The following EPHB2 variants were observed in gnomAD, a reference collection of about 807,000 sequenced individuals.
EPHB2 encodes the protein EPH receptor B2.
In EPHB2, 18 loss-of-function variants were observed where a neutral mutation model predicts 96.4. The ratio of observed to expected loss-of-function variants is 0.19; its 90% CI spans 0.13 to 0.28. The LOEUF (loss-of-function observed/expected upper bound fraction) is 0.28. EPHB2 is among the 10% of genes least tolerant of loss of function. EPHB2 has a pLI of 1.00. For missense variants in EPHB2, 989 were observed against 1,355.4 expected, an observed-to-expected ratio of 0.73 and a Z score of 4.25; for synonymous variants, 506 against 534.1, an observed-to-expected ratio of 0.95 and a Z score of 0.72.
intron 5 of EPHB2, among the ~76,000 whole-genome samples, chr1:22,874,954 C>T (rs940851110): frequency 6.6e-6 from 1 of 152,176 alleles, no homozygotes; most frequent in South Asian, 2.1e-4. Flanking sequence ...GATGTCTCCC[C>T]TGCGGGACTT....
intron 5 of EPHB2, among the ~76,000 whole-genome samples, chr1:22,870,385 C>T (rs938839533): frequency 1.6e-4 from 25 of 152,150 alleles, no homozygotes; most frequent in African/African-American, 6.0e-4. Context: ...GCCACATACT[C>T]AGGTGTACTC....
At chr1:22,755,739 A>G (rs1396985637) in intron 1 of EPHB2, among the ~76,000 whole-genome samples, 4 of 152,262 alleles carry the variant, frequency 2.6e-5, no homozygotes, top group Non-Finnish European at 4.4e-5. Flanking sequence ...CATTTAGGAT[A>G]TTAAATATTC....
At chr1:22,869,843 C>T (rs1638600791) in intron 5 of EPHB2, among the ~76,000 whole-genome samples, 1 of 152,206 alleles carries the variant, frequency 6.6e-6, no homozygotes, top group Admixed American at 6.5e-5. Flanking sequence ...GAAATTTTAC[C>T]TTGTGTCATT....
intron 1 of EPHB2, among the ~76,000 whole-genome samples, chr1:22,723,224 C>T (rs2148341948): frequency 6.6e-6 from 1 of 152,370 alleles, no homozygotes; most frequent in Middle Eastern, 3.4e-3. Context: ...ATGCGTCCCG[C>T]CTGAATGGGG....
rs574712180 is a variant in EPHB2 at position 22,722,161 on chromosome 1, T to TC, written c.61+11118_61+11119insC. Among the ~76,000 whole-genome samples, 3 of 47,886 alleles carry TC rather than the reference T, an allele frequency of 6.3e-5. No homozygotes were observed. In the East Asian group the frequency reaches 0.1, roughly 1,596 times the overall value. 31.4% of individuals were successfully genotyped at this position (47,886 alleles called of 152,430 possible). ...CAGGCACCTACCACCATGCCCAGCATTTTTTTTTTCTTTTTGGTAGAGACG... is the reference window on the plus strand; with the variant it reads ...CAGGCACCTACCACCATGCCCAGCATCTTTTTTTTTCTTTTTGGTAGAGACG... On this transcript the variant is annotated intron_variant, in intron 1 of 15. Coordinates refer to ENST00000374630, the MANE Select transcript of EPHB2 (RefSeq NM_017449.5).
At position 22,847,223 on chromosome 1, in the gene EPHB2, G is replaced by A. The variant is rs750040950; in HGVS notation, c.812-15814G>A. ...TGCAGGTAAGTCCTATTCATTAATC[G>A]ATTTTTCAGATGAGGAAACGGAGAT... On this transcript the variant is annotated intron_variant, in intron 3 of 15. Coordinates refer to ENST00000374630, the MANE Select transcript of EPHB2 (RefSeq NM_017449.5). 6.0e-4 allele frequency among the ~76,000 whole-genome samples: 92 copies of A among 152,298 alleles called. 1 individual carries two copies. The highest frequency in any genetic ancestry group is 1.1e-3 in the Admixed American group (17 of 15,304).
chr1:22,881,050 G>T (rs1639027107), intron 5 of EPHB2, among the ~76,000 whole-genome samples: 1 of 151,920 alleles, frequency 6.6e-6, no homozygotes, highest in Non-Finnish European at 1.5e-5. Context: ...TGCAGGAGGG[G>T]ATCACTTAAG....
intron 3 of EPHB2, among the ~76,000 whole-genome samples, chr1:22,817,914 A>C (rs1645096540): frequency 6.6e-6 from 1 of 152,174 alleles, no homozygotes; most frequent in Non-Finnish European, 1.5e-5. Context: ...TCCTGGGGTT[A>C]GACTGGGAGG....
At chr1:22,752,155 T>TTAA (rs1283614109) in intron 1 of EPHB2, among the ~76,000 whole-genome samples, 2 of 152,264 alleles carry the variant, frequency 1.3e-5, no homozygotes, top group African/African-American at 2.4e-5. Flanking sequence ...ACTTCACAGG[T>TTAA]GTTATTTATG....
At chr1:22,902,247 A>G (rs763146080) in intron 9 of EPHB2, among the ~76,000 whole-genome samples, 51 of 152,260 alleles carry the variant, frequency 3.3e-4, no homozygotes, top group Non-Finnish European at 3.1e-4. Context: ...TTCATAAGGT[A>G]TCAGCCTAAT....
At chr1:22,769,915 G>A (rs1208322255) in intron 1 of EPHB2, among the ~76,000 whole-genome samples, 5 of 152,200 alleles carry the variant, frequency 3.3e-5, no homozygotes, top group Non-Finnish European at 7.3e-5. Flanking sequence ...GGAAAAAACC[G>A]AAGTGGGATG....
At position 22,913,583 on chromosome 1, in the gene EPHB2, T is replaced by C; in HGVS notation, c.*13T>C. On this transcript the variant is annotated 3_prime_UTR_variant, in exon 16 of 16. Coordinates refer to ENST00000374630, the MANE Select transcript of EPHB2 (RefSeq NM_017449.5). The surrounding 1 kb of genome is among the most constrained non-coding windows in gnomAD (Gnocchi z 4.1). Reference sequence around the variant, plus strand: ...TGTGGAGGTTTGACATTCACCTGCCTCGGCTCACCTCTTCCTCCAAGCCCC... The same window carrying C: ...TGTGGAGGTTTGACATTCACCTGCCCCGGCTCACCTCTTCCTCCAAGCCCC... 1 of 1,613,952 alleles carries C rather than the reference T, an allele frequency of 6.2e-7. No homozygotes were observed. Among genetic ancestry groups the C allele is most frequent in the Non-Finnish European group, 8.5e-7 (1 of 1,179,968 alleles).
At chr1:22,776,677 T>A (rs2817913) in intron 1 of EPHB2, among the ~76,000 whole-genome samples, 6 of 152,220 alleles carry the variant, frequency 3.9e-5, no homozygotes, top group African/African-American at 1.4e-4. Flanking sequence ...TTTATAATCA[T>A]GATTACGCTT....
intron 1 of EPHB2, among the ~76,000 whole-genome samples, chr1:22,712,890 G>T (rs1416807290): frequency 6.6e-6 from 1 of 152,218 alleles, no homozygotes; most frequent in African/African-American, 2.4e-5. Context: ...TTAGGTTGCA[G>T]TCAGCGGTGC....
intron 6 of EPHB2, chr1:22,891,374 T>C: frequency 2.9e-6 from 1 of 346,356 alleles, no homozygotes; most frequent in South Asian, 2.3e-5. Flanking sequence ...TGGATAAGCA[T>C]TCACAGATTT....
At chr1:22,912,864 G>T in intron 15 of EPHB2, 1 of 489,458 alleles carries the variant, frequency 2.0e-6, no homozygotes. Context: ...TTGGTAGGAA[G>T]GTTGAGGGAG....
At chr1:22,881,426 G>T (rs1454735224) in intron 5 of EPHB2, among the ~76,000 whole-genome samples, 1 of 151,968 alleles carries the variant, frequency 6.6e-6, no homozygotes, top group Non-Finnish European at 1.5e-5. Context: ...GCATGGTGGC[G>T]CACACCTGTG....
In EPHB2 at chr1:22,865,001, C is replaced by T; in HGVS notation, c.1092C>T (p.Ser364=). 6.2e-7 allele frequency: 1 copy of T among 1,610,928 alleles called. No homozygotes were observed. Among genetic ancestry groups the T allele is most frequent in the Middle Eastern group, 1.7e-4 (1 of 6,052 alleles). ...EDLVYNIICK[S]CGSGRGACTR... The stretch of plus-strand genomic sequence containing the variant: ...TCGTCTACAACATCATCTGCAAGAG[C>T]TGTGGCTCGGGCCGGGGTGCCTGCA... The change falls in exon 5 of 16, where the codon AGC becomes AGT. Residue 364 remains serine (S), a synonymous_variant. Transcript: ENST00000374630.
chr1:22,828,089 C>A (rs973544964), intron 3 of EPHB2, among the ~76,000 whole-genome samples: 1 of 152,208 alleles, frequency 6.6e-6, no homozygotes, highest in Non-Finnish European at 1.5e-5. Flanking sequence ...TGGGGGATCT[C>A]TGTTCTGCTT....
Sources: allele counts gnomAD v4.1 joint callset (sites outside exome capture counted in the v4.1 genomes callset), GRCh38; gene constraint gnomAD v4.1.1; non-coding constraint Gnocchi (gnomAD v3.1); transcripts MANE v1.5; gene names NCBI Gene and HGNC (gene_info 2026-07-23, HGNC 2026-07-21).